NHS: variants seen among roughly 807,000 people sequenced by gnomAD.
NHS encodes the protein NHS actin remodeling regulator.
NHS carries 5 observed loss-of-function variants against 72.5 expected under a neutral mutation model. The observed-to-expected ratio is 0.07, with a 90% CI of 0.04 to 0.14. The LOEUF is 0.14. Ranked by LOEUF, NHS falls within the 10% of genes least tolerant of loss-of-function variation. NHS has a pLI of 1.00. For synonymous variants in NHS, 464 were observed against 547.7 expected (o/e 0.85, Z 2.13); for missense variants, 1,072 against 1,355.7 (o/e 0.79, Z 3.29).
chrX:17,526,333 A>T (rs1019902799), intron 1 of NHS, among the ~76,000 whole-genome samples: 8 of 112,487 alleles, frequency 7.1e-5, no homozygotes, highest in Non-Finnish European at 1.3e-4. Context: ...GGCCTAGCTG[A>T]TCTAGATTGG....
chrX:17,480,220 A>T (rs980399557), intron 1 of NHS, among the ~76,000 whole-genome samples: 8 of 111,510 alleles, frequency 7.2e-5, no homozygotes, highest in African/African-American at 2.6e-4. Flanking sequence ...TAATTTATAG[A>T]TTCAATGCTA....
intron 1 of NHS, among the ~76,000 whole-genome samples, chrX:17,588,053 G>C (rs915785315): frequency 3.1e-4 from 35 of 112,138 alleles, no homozygotes; most frequent in African/African-American, 1.1e-3. Context: ...TGGTTCTAGG[G>C]TTGTCTCTTC....
intron 1 of NHS, among the ~76,000 whole-genome samples, chrX:17,408,954 G>GA (rs1347951548): frequency 9.7e-6 from 1 of 103,403 alleles, no homozygotes; most frequent in African/African-American, 3.7e-5. Flanking sequence ...GACGGAGAGA[G>GA]GAGAGAGAGA....
At chrX:17,625,314 G>A (rs2065793198) in intron 1 of NHS, among the ~76,000 whole-genome samples, 1 of 111,279 alleles carries the variant, frequency 9.0e-6, no homozygotes, top group South Asian at 3.8e-4. Context: ...GGCAAGTAGT[G>A]TATTAATATC....
Position 17,712,263 on chromosome X carries a change from A to G in NHS, c.853-7081A>G, listed in dbSNP as rs867661110. Among the ~76,000 whole-genome samples, 379 of 65,524 alleles carry G rather than the reference A, an allele frequency of 5.8e-3. 11 individuals carry two copies. Among genetic ancestry groups the G allele is most frequent in the African/African-American group, 0.025 (336 of 13,413 alleles). The allele number at this position is 65,524 out of a possible 115,157, so 56.9% of individuals were successfully genotyped here. A position where few individuals can be genotyped will look rare whatever the true frequency, so the allele number is the denominator to read the frequency against. Reference sequence around the variant, plus strand: ...GCCTTTTGTGTGTGTGTATATATATATATATATATATATATATATATATAT... The same window carrying G: ...GCCTTTTGTGTGTGTGTATATATATGTATATATATATATATATATATATAT... On this transcript the variant is annotated intron_variant, in intron 3 of 8. Transcript: ENST00000676302.
chrX:17,470,238 G>T (rs1195376222), intron 1 of NHS, among the ~76,000 whole-genome samples: 2 of 110,665 alleles, frequency 1.8e-5, no homozygotes, highest in African/African-American at 6.6e-5. Flanking sequence ...AATCCAGGTG[G>T]TATGACTCCA....
Position 17,724,058 on chromosome X carries a change from T to C in NHS, c.1109-241T>C, listed in dbSNP as rs138457048. Reference sequence around the variant, plus strand: ...CTTTTTCTCTTCTCTTTCTTTTGATTTTTCTTCTTTGCTTGTTTTTGTTGG... The same window carrying C: ...CTTTTTCTCTTCTCTTTCTTTTGATCTTTCTTCTTTGCTTGTTTTTGTTGG... On this transcript the variant is annotated intron_variant, in intron 5 of 8. Transcript: ENST00000676302. 7.5e-4 allele frequency among the ~76,000 whole-genome samples: 84 copies of C among 111,903 alleles called. No individual in the cohort carries two copies. The East Asian group carries it at 0.018, about 24-fold the overall frequency.
At position 17,376,056 on chromosome X, in the gene NHS, C is replaced by G; in HGVS notation, c.299C>G (p.Pro100Arg). 1 of 1,057,504 alleles carries G rather than the reference C, an allele frequency of 9.5e-7. No homozygotes were observed. The highest frequency in any genetic ancestry group is 1.2e-6 in the Non-Finnish European group (1 of 829,279). The allele number at this position is 1,057,504 out of a possible 1,213,427, so 87.2% of individuals were successfully genotyped here. A position where few individuals can be genotyped will look rare whatever the true frequency, so the allele number is the denominator to read the frequency against. Reference sequence around the variant, plus strand: ...GGCGAGGAGAGCACGGCGGGGATCCCGGAGGCGGCGCCCGCAGCCGGCGAG... The same window carrying G: ...GGCGAGGAGAGCACGGCGGGGATCCGGGAGGCGGCGCCCGCAGCCGGCGAG... ...VAGEESTAGI[P>R]EAAPAAGEAS... Residue 100 changes from proline (P) to arginine (R), a missense_variant, in exon 1 of 9, where the codon CCG becomes CGG. Pro to Arg is a moderately radical substitution (Grantham distance 103). Coordinates refer to ENST00000676302, the MANE Select transcript of NHS (RefSeq NM_001291867.2).
chrX:17,659,528 C>A (rs182094223), intron 1 of NHS, among the ~76,000 whole-genome samples: 2 of 111,764 alleles, frequency 1.8e-5, no homozygotes, highest in African/African-American at 6.5e-5. Flanking sequence ...TGAAATCATA[C>A]CTAGATCCCC....
intron 1 of NHS, among the ~76,000 whole-genome samples, chrX:17,491,702 C>G: frequency 9.2e-6 from 1 of 108,274 alleles, no homozygotes; most frequent in Non-Finnish European, 1.9e-5. Context: ...ATGGTACCAG[C>G]TCCTCCTTGT....
intron 1 of NHS, among the ~76,000 whole-genome samples, chrX:17,596,607 G>T (rs2065625162): frequency 8.9e-6 from 1 of 112,180 alleles, no homozygotes; most frequent in African/African-American, 3.2e-5. Flanking sequence ...CTACCATGCA[G>T]AGAGGTCAAA....
intron 6 of NHS, among the ~76,000 whole-genome samples, chrX:17,724,960 T>C (rs763184472): frequency 9.0e-6 from 1 of 111,712 alleles, no homozygotes; most frequent in Non-Finnish European, 1.9e-5. Context: ...TTATTTCTAA[T>C]AATGAGACCT....
intron 1 of NHS, among the ~76,000 whole-genome samples, chrX:17,417,101 C>T: frequency 9.1e-6 from 1 of 110,101 alleles, no homozygotes; most frequent in East Asian, 2.8e-4. Context: ...TACACACACA[C>T]ACACACACAC....
chrX:17,679,862 G>T lies in NHS; in HGVS notation c.566-7880G>T, dbSNP rs760998103. Among the ~76,000 whole-genome samples the T allele has an allele frequency of 4.1e-5, 4 of 98,035 alleles. No individual in the cohort carries two copies. In the South Asian group the frequency reaches 1.6e-3, roughly 39 times the overall value. 85.1% of individuals were successfully genotyped at this position (98,035 alleles called of 115,157 possible). On this transcript the variant is annotated intron_variant, in intron 1 of 8. Coordinates refer to ENST00000676302, the MANE Select transcript of NHS (RefSeq NM_001291867.2). The stretch of plus-strand genomic sequence containing the variant: ...TATCTTTAACCAGAATGAAGAAAGG[G>T]GGGGGGGGTGTGCGTTTCCACTGCT...
chrX:17,556,833 A>C (rs1164402003), intron 1 of NHS, among the ~76,000 whole-genome samples: 1 of 111,383 alleles, frequency 9.0e-6, no homozygotes, highest in Non-Finnish European at 1.9e-5. Flanking sequence ...TTTTGTAGGC[A>C]AAAAATGGCT....
intron 1 of NHS, among the ~76,000 whole-genome samples, chrX:17,377,285 CAATA>C (rs1402728302): frequency 8.9e-6 from 1 of 112,462 alleles, no homozygotes; most frequent in Non-Finnish European, 1.9e-5. Flanking sequence ...CAAGGGCTCC[CAATA>C]AATAGTCATT....
intron 1 of NHS, among the ~76,000 whole-genome samples, chrX:17,473,981 A>T (rs939068093): frequency 1.4e-4 from 15 of 110,709 alleles, no homozygotes; most frequent in African/African-American, 4.6e-4. Flanking sequence ...ATATAGGTAG[A>T]CTTGTGTCAT....
intron 1 of NHS, among the ~76,000 whole-genome samples, chrX:17,567,212 C>A (rs1217606813): frequency 8.9e-6 from 1 of 112,025 alleles, no homozygotes; most frequent in Non-Finnish European, 1.9e-5. Flanking sequence ...CAGTGTTTCT[C>A]AGTAACCAGT....
chrX:17,544,088 C>A (rs1425349398), intron 1 of NHS, among the ~76,000 whole-genome samples: 1 of 112,535 alleles, frequency 8.9e-6, no homozygotes, highest in Non-Finnish European at 1.9e-5. Context: ...TAGCTAATAT[C>A]TCTTAAGTGC....
Sources: allele counts gnomAD v4.1 joint callset (sites outside exome capture counted in the v4.1 genomes callset), GRCh38; gene constraint gnomAD v4.1.1; transcripts MANE v1.5; gene names NCBI Gene and HGNC (gene_info 2026-07-23, HGNC 2026-07-21).